The following UNC13A variants were observed in gnomAD, a reference collection of about 807,000 sequenced individuals.
UNC13A encodes protein unc-13 homolog A.
Under a neutral mutation model 219.7 loss-of-function variants are expected in UNC13A, and 61 were observed. The observed-to-expected ratio is 0.28, with a 90% CI of 0.23 to 0.34. The LOEUF is 0.34. Ranked by LOEUF, UNC13A falls within the 10% of genes least tolerant of loss-of-function variation. The pLI is 1.00. For missense variants in UNC13A, 1,476 were observed against 2,270.3 expected (o/e 0.65, Z 7.11); for synonymous variants, 920 against 884.6 (o/e 1.04, Z -0.71).
chr19:17,621,349 T>C (rs2076728106), intron 37 of UNC13A, among the ~76,000 whole-genome samples: 1 of 152,050 alleles, frequency 6.6e-6, no homozygotes, highest in Non-Finnish European at 1.5e-5. Flanking sequence ...AAGACTCCAT[T>C]TGTAGACACA....
chr19:17,618,303 G>A, intron 40 of UNC13A, 118 bp downstream of exon 40: 1 of 1,103,500 alleles, frequency 9.1e-7, no homozygotes, highest in Non-Finnish European at 1.3e-6. Context: ...AGGGGAACGA[G>A]GGAGTGTCCA....
intron 34 of UNC13A, 169 bp downstream of exon 34, chr19:17,626,464 T>C: frequency 1.5e-6 from 1 of 646,252 alleles, no homozygotes; most frequent in Non-Finnish European, 2.5e-6. Flanking sequence ...TCCAATTATT[T>C]ACCCACCCAA....
At chr19:17,626,415 CCA>C (rs1299753324) in intron 34 of UNC13A, 1 of 514,904 alleles carries the variant, frequency 1.9e-6, no homozygotes, top group African/African-American at 1.9e-5. Context: ...TATTCATCCA[CCA>C]TTCATTCATC....
In UNC13A at chr19:17,630,385, A is replaced by G. The variant is rs997193310; in HGVS notation, c.3526-97T>C. 4 of 1,504,684 alleles carry G rather than the reference A, an allele frequency of 2.7e-6. No homozygotes were observed. In the African/African-American group the frequency reaches 4.2e-5, roughly 16 times the overall value. 93.2% of individuals were successfully genotyped at this position (1,504,684 alleles called of 1,614,324 possible). A position where few individuals can be genotyped will look rare whatever the true frequency, so the allele number is the denominator to read the frequency against. On this transcript the variant is annotated intron_variant, in intron 29 of 43. Coordinates refer to ENST00000519716, the MANE Select transcript of UNC13A (RefSeq NM_001080421.3). ...CTCTCCACGGGGAGAGCCAGAGACCAATTTCCCCGGGGTGAGATGGACAGA... is the reference window on the plus strand; with the variant it reads ...CTCTCCACGGGGAGAGCCAGAGACCGATTTCCCCGGGGTGAGATGGACAGA...
Position 17,648,543 on chromosome 19 carries a change from G to A in UNC13A, c.1704C>T (p.Tyr568=), listed in dbSNP as rs761911790. Residue 568 remains tyrosine (Y), a synonymous_variant, in exon 16 of 44, where the codon TAC becomes TAT. Transcript: ENST00000519716. ...TGCCCCACAGCAGCCCCTCGCACTC[G>A]TAGCAGTAGGTGGGCGTGGTGGCCG... ...VWTATTPTYC[Y]ECEGLLWGIA... is the part of the protein sequence containing the mutation. 5.5e-5 allele frequency: 89 copies of A among 1,614,050 alleles called. No homozygotes were observed. The highest frequency in any genetic ancestry group is 7.5e-5 in the Non-Finnish European group (89 of 1,180,020).
Position 17,649,709 on chromosome 19 carries a change from T to TA in UNC13A, c.1440-123dup. 3.8e-6 allele frequency: 4 copies of TA among 1,043,926 alleles called. No individual in the cohort carries two copies. Among genetic ancestry groups the TA allele is most frequent in the Admixed American group, 2.0e-5 (1 of 49,566 alleles). The allele number at this position is 1,043,926 out of a possible 1,614,324, so 64.7% of individuals were successfully genotyped here. ...TGAATTGGGTCCCTCAAAAAAAAGA[T>TA]ACGCTGATGCCCTAACCCCCACTAC... On this transcript the variant is annotated intron_variant, in intron 12 of 43. Transcript: ENST00000519716. This position sits in a 1 kb window ranked among gnomAD's most constrained non-coding sequence, Gnocchi z 4.4.
At chr19:17,679,080 A>T (rs2145923462) in intron 1 of UNC13A, among the ~76,000 whole-genome samples, 1 of 152,162 alleles carries the variant, frequency 6.6e-6, no homozygotes, top group South Asian at 2.1e-4. Flanking sequence ...GCAATGTAGT[A>T]AGATCCCATG....
rs759149981 is a variant in UNC13A, at chr19:17,645,777, G to T, written c.2253C>A (p.Ser751=). The change falls in exon 19 of 44, where the codon TCC becomes TCA. Residue 751 remains serine (S), a synonymous_variant. Transcript: ENST00000519716. ...CCCTCTTGAACCTCTGTTTCACGCGGGATTTGATGTCGTCATCCTCGTCCC... is the reference window on the plus strand; with the variant it reads ...CCCTCTTGAACCTCTGTTTCACGCGTGATTTGATGTCGTCATCCTCGTCCC... ...RVWDEDDDIK[S]RVKQRFKRES... is the part of the protein sequence containing the mutation. The T allele has an allele frequency of 6.2e-7, 1 of 1,614,068 alleles. No homozygotes were observed. Among genetic ancestry groups the T allele is most frequent in the Admixed American group, 1.7e-5 (1 of 60,004 alleles).
intron 19 of UNC13A, 100 bp downstream of exon 19, chr19:17,645,574 C>G (rs926264896): frequency 3.3e-6 from 5 of 1,528,444 alleles, no homozygotes; most frequent in Admixed American, 3.9e-5. Context: ...CTCGACCAAA[C>G]TCCTCCTGAG....
chr19:17,643,028 T>A, intron 19 of UNC13A, 68 bp from the exon 20 acceptor site: 2 of 1,252,932 alleles, frequency 1.6e-6, no homozygotes, highest in Admixed American at 2.1e-5. Flanking sequence ...TTTTTTTTTT[T>A]AAGAGGGAGT....
At chr19:17,630,025 A>G (rs2076825752) in intron 30 of UNC13A, 120 bp downstream of exon 30, 4 of 1,180,970 alleles carry the variant, frequency 3.4e-6, no homozygotes, top group Non-Finnish European at 4.7e-6. Context: ...CTTCAATCCC[A>G]ACCTCAATGA....
chr19:17,667,768 C>G, intron 6 of UNC13A, among the ~76,000 whole-genome samples: 1 of 147,074 alleles, frequency 6.8e-6, no homozygotes, highest in East Asian at 1.9e-4. Context: ...AGCCACTAAG[C>G]CTGGCTAATT....
chr19:17,654,750 T>C (rs1293794111), intron 11 of UNC13A, among the ~76,000 whole-genome samples: 2 of 152,168 alleles, frequency 1.3e-5, no homozygotes, highest in African/African-American at 4.8e-5. Flanking sequence ...CTGACCCCTT[T>C]GCCTAACACC....
At chr19:17,656,664 C>T (rs112469656) in intron 9 of UNC13A, among the ~76,000 whole-genome samples, 14,326 of 152,002 alleles carry the variant, frequency 0.094, 802 homozygotes, top group Non-Finnish European at 0.13. Flanking sequence ...CCAGCCTGGC[C>T]AACATGGTGA....
Position 17,606,201 on chromosome 19 carries a change from G to A in UNC13A, c.4965C>T (p.Leu1655=), listed in dbSNP as rs778704706. The A allele has an allele frequency of 1.7e-5, 26 of 1,551,438 alleles. No homozygotes were observed. The Admixed American group carries it at 3.5e-4, about 21-fold the overall frequency. ...TGTCGTCCATGTGGATGCGGCGGCC[G>A]AGCGGCAGCCAGCAGGCGGCGCTCC... ...QRGSAACWLP[L]GRRIHMDDTG... The change falls in exon 44 of 44, where the codon CTC becomes CTT. Residue 1655 remains leucine (L), a synonymous_variant. Coordinates refer to ENST00000519716, the MANE Select transcript of UNC13A (RefSeq NM_001080421.3).
In UNC13A at chr19:17,658,299, G is replaced by A. The variant is rs181058989; in HGVS notation, c.560-30C>T. The A allele has an allele frequency of 4.8e-4, 769 of 1,588,810 alleles. 4 individuals carry two copies. In the African/African-American group the frequency reaches 8.9e-3, roughly 18 times the overall value. ...AAGAGAGAGGCGGTATGGGAAGAGG[G>A]TGAGGAAGAGAGAGTGCACATGATG... On this transcript the variant is annotated intron_variant, in intron 8 of 43. Transcript: ENST00000519716.
chr19:17,670,894 A>T (rs547949683), intron 4 of UNC13A, among the ~76,000 whole-genome samples: 1 of 150,828 alleles, frequency 6.6e-6, no homozygotes, highest in South Asian at 2.1e-4. Flanking sequence ...ACAGAGTGAG[A>T]CTCCATCTCA....
At chr19:17,630,516 C>T in intron 29 of UNC13A, 138 bp downstream of exon 29, 14 of 1,181,858 alleles carry the variant, frequency 1.2e-5, no homozygotes, top group Non-Finnish European at 1.7e-5. Flanking sequence ...GATGAATGAA[C>T]AAAAGATTTT....
Position 17,681,584 on chromosome 19 carries a change from G to A in UNC13A, c.23-5543C>T, listed in dbSNP as rs73518317. Among the ~76,000 whole-genome samples the A allele has an allele frequency of 9.8e-3, 1,491 of 152,296 alleles. 24 individuals are homozygous for A. The highest frequency in any genetic ancestry group is 0.034 in the African/African-American group (1,414 of 41,566). ...CACCAAGAACCTGGAGTTCCAGAGAGCTTCGGGAATAAGGGATTTGTGTGT... is the reference window on the plus strand; with the variant it reads ...CACCAAGAACCTGGAGTTCCAGAGAACTTCGGGAATAAGGGATTTGTGTGT... On this transcript the variant is annotated intron_variant, in intron 1 of 43. Coordinates refer to ENST00000519716, the MANE Select transcript of UNC13A (RefSeq NM_001080421.3).
Sources: allele counts gnomAD v4.1 joint callset (sites outside exome capture counted in the v4.1 genomes callset), GRCh38; gene constraint gnomAD v4.1.1; non-coding constraint Gnocchi (gnomAD v3.1); transcripts MANE v1.5; gene names NCBI Gene and HGNC (gene_info 2026-07-23, HGNC 2026-07-21).